The following WDR47 variants were observed in gnomAD, a reference collection of about 807,000 sequenced individuals.
WDR47 encodes WD repeat domain 47.
Under a neutral mutation model 97.2 loss-of-function variants are expected in WDR47, and 32 were observed. The ratio of observed to expected loss-of-function variants is 0.33; its 90% CI spans 0.25 to 0.44. The LOEUF is 0.44. Among genes scored for constraint, WDR47 ranks in the 20% least tolerant of loss-of-function variants. The pLI, the probability that WDR47 is intolerant of heterozygous loss-of-function variation, is 1.00. For missense variants in WDR47, 782 were observed against 1,102.3 expected (o/e 0.71, Z 4.11); for synonymous variants, 375 against 373.5 (o/e 1.00, Z -0.05).
chr1:109,008,927 CAG>C (rs2101932113), intron 5 of WDR47, among the ~76,000 whole-genome samples: 1 of 151,954 alleles, frequency 6.6e-6, no homozygotes, highest in African/African-American at 2.4e-5. Context: ...TAATTAGAAA[CAG>C]AAATTCTGGG....
At chr1:109,000,508 C>CAAAAAAA (rs71069634) in intron 7 of WDR47, among the ~76,000 whole-genome samples, 1 of 70,510 alleles carries the variant, frequency 1.4e-5, no homozygotes, top group Non-Finnish European at 2.4e-5. Context: ...GACTCTGTCT[C>CAAAAAAA]AAAAAAAAAA....
chr1:108,987,446 A>C (rs1571157396), intron 9 of WDR47, among the ~76,000 whole-genome samples: 1 of 151,716 alleles, frequency 6.6e-6, no homozygotes, highest in African/African-American at 2.4e-5. Context: ...GAGCCACCGC[A>C]CCAGCCAATT....
intron 1 of WDR47, among the ~76,000 whole-genome samples, chr1:109,028,198 T>G (rs1662344719): frequency 6.6e-6 from 1 of 152,084 alleles, no homozygotes; most frequent in Admixed American, 6.6e-5. Context: ...TTTGTTTGTC[T>G]GTTTTAGACA....
At chr1:109,039,607 T>G (rs763418035) in intron 1 of WDR47, among the ~76,000 whole-genome samples, 16 of 151,948 alleles carry the variant, frequency 1.1e-4, no homozygotes, top group Non-Finnish European at 2.4e-4. Flanking sequence ...AGAAACAAAC[T>G]CAACATAGAG....
At chr1:109,040,329 T>A (rs566689612) in intron 1 of WDR47, among the ~76,000 whole-genome samples, 1 of 152,278 alleles carries the variant, frequency 6.6e-6, no homozygotes, top group East Asian at 1.9e-4. Context: ...ATGCCGCCCA[T>A]TAAATAACTA....
intron 6 of WDR47, 150 bp from the exon 7 acceptor site, chr1:109,002,552 T>G (rs1407249842): frequency 1.4e-6 from 1 of 693,782 alleles, no homozygotes; most frequent in Non-Finnish European, 2.2e-6. Context: ...TGAAAAACAG[T>G]ATGTGTCTTA....
chr1:108,971,781 C>T (rs769710434), intron 14 of WDR47, among the ~76,000 whole-genome samples: 6 of 152,128 alleles, frequency 3.9e-5, no homozygotes, highest in Admixed American at 1.3e-4. Flanking sequence ...CAACATTTGA[C>T]AAGTTGCCTC....
At chr1:109,009,089 A>AAAAATAAAAAT (rs759749419) in intron 5 of WDR47, among the ~76,000 whole-genome samples, 1 of 152,226 alleles carries the variant, frequency 6.6e-6, no homozygotes, top group South Asian at 2.1e-4. Flanking sequence ...ATCTCAAAAA[A>AAAAATAAAAAT]AAAATAAAAA....
chr1:108,971,639 C>T, intron 14 of WDR47, 67 bp from the exon 15 acceptor site: 1 of 1,559,472 alleles, frequency 6.4e-7, no homozygotes, highest in Non-Finnish European at 8.8e-7. Context: ...TATAGACTTC[C>T]TGTTACTTTA....
intron 1 of WDR47, among the ~76,000 whole-genome samples, chr1:109,035,685 G>A (rs995596364): frequency 1.3e-5 from 2 of 151,598 alleles, no homozygotes; most frequent in South Asian, 2.1e-4. Context: ...TAGTAGAGAC[G>A]GGGTTTCACC....
intron 13 of WDR47, among the ~76,000 whole-genome samples, chr1:108,980,794 G>A (rs967150939): frequency 2.6e-5 from 4 of 151,738 alleles, no homozygotes; most frequent in African/African-American, 9.7e-5. Context: ...TAAGGATAAA[G>A]GCAGAATACT....
intron 14 of WDR47, among the ~76,000 whole-genome samples, chr1:108,972,797 A>C (rs948187894): frequency 6.6e-5 from 10 of 152,104 alleles, no homozygotes; most frequent in African/African-American, 2.4e-4. Flanking sequence ...AATACAAAAA[A>C]TTAGCCAGGT....
intron 13 of WDR47, among the ~76,000 whole-genome samples, chr1:108,977,366 C>A (rs1430025021): frequency 6.6e-6 from 1 of 152,066 alleles, no homozygotes; most frequent in African/African-American, 2.4e-5. Flanking sequence ...GTTGGCCAGA[C>A]TGGTCTCGAG....
chr1:108,986,890 G>A, intron 9 of WDR47: 1 of 415,316 alleles, frequency 2.4e-6, no homozygotes, highest in Non-Finnish European at 4.4e-6. Flanking sequence ...CAGACAAGTA[G>A]GCTACAGTGA....
intron 10 of WDR47, among the ~76,000 whole-genome samples, chr1:108,984,178 T>C (rs571624281): frequency 1.3e-5 from 2 of 152,292 alleles, no homozygotes; most frequent in South Asian, 4.1e-4. Flanking sequence ...CAGGCTCAGC[T>C]GTGGAGGGTT....
At chr1:108,994,874 T>C (rs1659635973) in intron 8 of WDR47, among the ~76,000 whole-genome samples, 1 of 152,180 alleles carries the variant, frequency 6.6e-6, no homozygotes. Flanking sequence ...TGCTCTGAAA[T>C]AAAACTAGGT....
At chr1:109,014,340 G>A (rs1177055142) in intron 3 of WDR47, among the ~76,000 whole-genome samples, 3 of 151,666 alleles carry the variant, frequency 2.0e-5, no homozygotes, top group Non-Finnish European at 4.4e-5. Context: ...TTAAATATGA[G>A]AAAAGTCTAA....
chr1:108,978,053 A>G (rs979011261), intron 13 of WDR47, among the ~76,000 whole-genome samples: 1 of 151,820 alleles, frequency 6.6e-6, no homozygotes, highest in Admixed American at 6.6e-5. Context: ...CACTGAAACT[A>G]TACTTGAACA....
rs1657734739 is a variant in WDR47, at chr1:108,974,542, G to T, written c.2611C>A (p.Leu871Ile). ...SYDMKIKVTDLQGDLTKQLPI... is the reference protein window; with the variant it reads ...SYDMKIKVTDIQGDLTKQLPI... The stretch of plus-strand genomic sequence containing the variant: ...AGAAGTCGATCTCAATCACCTTGTA[G>T]GTCTGTCACCTTTATTTTCATATCA... The change falls in exon 14 of 15, where the codon CTA (leucine) becomes ATA (isoleucine). Residue 871 changes from leucine to isoleucine, a missense_variant. Around this residue, in one of 3 missense-constraint regions of WDR47, gnomAD observed 228 missense variants for 396.7 expected, o/e 0.57. Transcript: ENST00000369962. 6.2e-7 allele frequency: 1 copy of T among 1,613,644 alleles called. No homozygotes were observed. The highest frequency in any genetic ancestry group is 1.7e-5 in the Admixed American group (1 of 59,994).
Sources: allele counts gnomAD v4.1 joint callset (sites outside exome capture counted in the v4.1 genomes callset), GRCh38; gene constraint gnomAD v4.1.1; regional missense constraint gnomAD v4.1.1; transcripts MANE v1.5; gene names NCBI Gene and HGNC (gene_info 2026-07-23, HGNC 2026-07-21).